VPS13C: variants seen among roughly 807,000 people sequenced by gnomAD.
VPS13C encodes the protein intermembrane lipid transfer protein VPS13C.
Under a neutral mutation model 456.8 loss-of-function variants are expected in VPS13C, and 358 were observed. The observed-to-expected ratio is 0.78, with a 90% CI of 0.72 to 0.86. The LOEUF is 0.86. Among genes scored for constraint, VPS13C ranks in the 40% least tolerant of loss-of-function variants. The pLI, the probability that VPS13C is intolerant of heterozygous loss-of-function variation, is 0.00. For missense variants in VPS13C, 4,818 were observed against 4,385.4 expected, an observed-to-expected ratio of 1.10 and a Z score of -2.79; for synonymous variants, 1,578 against 1,486.7, an observed-to-expected ratio of 1.06 and a Z score of -1.41.
rs1310615074 is a variant in VPS13C at position 62,023,429 on chromosome 15, G to A, written c.606C>T (p.His202=). Residue 202 remains histidine, a synonymous_variant, in exon 8 of 85, where the codon CAC becomes CAT. Coordinates refer to ENST00000644861, the MANE Select transcript of VPS13C (RefSeq NM_020821.3). Reference sequence around the variant, plus strand: ...TACTTACATCATCTTCATATTTAATGTGAATATCTGTGATTTTTACTTGTA... The same window carrying A: ...TACTTACATCATCTTCATATTTAATATGAATATCTGTGATTTTTACTTGTA... ...KNVQVKITDI[H]IKYEDDVTDP... 1.3e-6 allele frequency: 2 copies of A among 1,530,616 alleles called. No homozygotes were observed. Among genetic ancestry groups the A allele is most frequent in the Non-Finnish European group, 1.8e-6 (2 of 1,133,996 alleles). 94.8% of individuals were successfully genotyped at this position (1,530,616 alleles called of 1,614,324 possible). A position where few individuals can be genotyped will look rare whatever the true frequency, so the allele number is the denominator to read the frequency against.
At chr15:61,869,399 T>G in intron 80 of VPS13C, 101 bp downstream of exon 80, 1 of 1,325,766 alleles carries the variant, frequency 7.5e-7, no homozygotes, top group South Asian at 1.6e-5. Context: ...AATTAGACTT[T>G]AAGATCCTTA....
intron 9 of VPS13C, among the ~76,000 whole-genome samples, chr15:62,018,183 G>A (rs1284021860): frequency 6.7e-6 from 1 of 150,086 alleles, no homozygotes; most frequent in South Asian, 2.1e-4. Context: ...AAGGAGATTT[G>A]GGGCTGAGAC....
rs1433211746 is a variant in VPS13C at position 61,900,237 on chromosome 15, A to C, written c.9105+7027T>G. Reference sequence around the variant, plus strand: ...ATGCCCTCTCTCACCACTCCTATTCAACATAGTGTTGGAAGTTCTTGCCAG... The same window carrying C: ...ATGCCCTCTCTCACCACTCCTATTCCACATAGTGTTGGAAGTTCTTGCCAG... On this transcript the variant is annotated intron_variant, in intron 66 of 84. Transcript: ENST00000644861. 7.2e-5 allele frequency among the ~76,000 whole-genome samples: 11 copies of C among 152,324 alleles called. No individual in the cohort carries two copies. The East Asian group carries it at 1.4e-3, about 19-fold the overall frequency.
At chr15:61,863,591 G>T in intron 81 of VPS13C, 63 bp from the exon 82 acceptor site, 1 of 1,006,090 alleles carries the variant, frequency 9.9e-7, no homozygotes, top group Non-Finnish European at 1.5e-6. Flanking sequence ...TTACAATACT[G>T]CATATTAGCT....
rs909115339 is a variant in VPS13C at position 61,984,991 on chromosome 15, G to T, written c.1587C>A (p.Ala529=). 1 of 1,559,370 alleles carries T rather than the reference G, an allele frequency of 6.4e-7. No individual in the cohort carries two copies. Among genetic ancestry groups the T allele is most frequent in the African/African-American group, 1.4e-5 (1 of 72,100 alleles). Reference sequence around the variant, plus strand: ...TTACTAACTTCAGGGTCATAATATGGGCAACATACTATACAGAAAGAATGA... The same window carrying T: ...TTACTAACTTCAGGGTCATAATATGTGCAACATACTATACAGAAAGAATGA... ...HNLTLPKQYV[A]HIMTLKLVST... The change falls in exon 19 of 85, where the codon GCC becomes GCA. Residue 529 remains alanine, a synonymous_variant. Transcript: ENST00000644861.
Position 62,008,718 on chromosome 15 carries a change from AC to A in VPS13C, c.1054del (p.Val352LeufsTer35). ...IDLLESVDYM[V>X]RNAPYRKYKP... ...GTATTTCCTATAAGGCGCATTCCTA[AC>A]CATATAATCCACTGACTCCAAAAGG... On this transcript the variant is annotated frameshift_variant, in exon 14 of 85. Coordinates refer to ENST00000644861, the MANE Select transcript of VPS13C (RefSeq NM_020821.3). LOFTEE classifies it high-confidence loss of function. 1 of 1,607,954 alleles carries A rather than the reference AC, an allele frequency of 6.2e-7. No individual in the cohort carries two copies. The highest frequency in any genetic ancestry group is 2.2e-5 in the East Asian group (1 of 44,592).
chr15:61,854,405 G>C lies in VPS13C; in HGVS notation c.*52C>G. 6.7e-7 allele frequency: 1 copy of C among 1,495,054 alleles called. No homozygotes were observed. The highest frequency in any genetic ancestry group is 9.3e-7 in the Non-Finnish European group (1 of 1,071,490). 92.6% of individuals were successfully genotyped at this position (1,495,054 alleles called of 1,614,324 possible). On this transcript the variant is annotated 3_prime_UTR_variant, in exon 85 of 85. Transcript: ENST00000644861. ...GCAAGATAAAGCAGAGTGACTTATA[G>C]ACAAGACCAGTGATTGTTTTTTCTC...
chr15:62,056,640 C>G (rs566738005), intron 1 of VPS13C, among the ~76,000 whole-genome samples: 1 of 152,132 alleles, frequency 6.6e-6, no homozygotes, highest in African/African-American at 2.4e-5. Context: ...GGCCTGACAT[C>G]AGTCAGGCTT....
At chr15:61,977,230 T>C in intron 23 of VPS13C, 31 bp from the exon 24 acceptor site, 3 of 1,337,688 alleles carry the variant, frequency 2.2e-6, no homozygotes, top group Non-Finnish European at 3.0e-6. Context: ...TATTATTTAT[T>C]ATTTTTACAA....
chr15:61,890,699 A>C (rs573815631), intron 66 of VPS13C, among the ~76,000 whole-genome samples: 1 of 152,320 alleles, frequency 6.6e-6, no homozygotes, highest in East Asian at 1.9e-4. Context: ...CCAATGCAAT[A>C]AGATGATTCT....
chr15:62,046,371 CA>C (rs1258895144), intron 1 of VPS13C, among the ~76,000 whole-genome samples: 1 of 152,066 alleles, frequency 6.6e-6, no homozygotes, highest in African/African-American at 2.4e-5. Context: ...TGTTCAGCAA[CA>C]GGGGGAAAAA....
intron 66 of VPS13C, among the ~76,000 whole-genome samples, chr15:61,894,808 C>T (rs911520925): frequency 6.6e-6 from 1 of 152,166 alleles, no homozygotes; most frequent in Non-Finnish European, 1.5e-5. Flanking sequence ...AACACCCCCA[C>T]TCTCAGTAAT....
chr15:61,958,050 TTA>T (rs943365908), intron 37 of VPS13C, among the ~76,000 whole-genome samples: 23 of 151,210 alleles, frequency 1.5e-4, no homozygotes, highest in Non-Finnish European at 2.1e-4. Context: ...ATACAACATT[TTA>T]TATATATATA....
intron 16 of VPS13C, among the ~76,000 whole-genome samples, chr15:61,994,511 AG>A (rs1460526395): frequency 2.0e-5 from 3 of 152,010 alleles, no homozygotes; most frequent in Non-Finnish European, 4.4e-5. Flanking sequence ...TTCATTGTAG[AG>A]TCACTTACAA....
At chr15:61,951,068 T>G (rs1417942521) in intron 39 of VPS13C, 44 bp from the exon 40 acceptor site, 1 of 1,334,760 alleles carries the variant, frequency 7.5e-7, no homozygotes, top group Non-Finnish European at 1.0e-6. Flanking sequence ...ATTAAACATT[T>G]CACACATTTT....
At chr15:62,014,513 G>T (rs2047159619) in intron 9 of VPS13C, among the ~76,000 whole-genome samples, 2 of 152,066 alleles carry the variant, frequency 1.3e-5, no homozygotes, top group Non-Finnish European at 2.9e-5. Flanking sequence ...GAGCACATAG[G>T]TAAAATGAGA....
intron 1 of VPS13C, among the ~76,000 whole-genome samples, chr15:62,052,775 T>A (rs77082367): frequency 0.039 from 5,998 of 152,174 alleles, 161 homozygotes; most frequent in Middle Eastern, 0.062. Context: ...TAGACTCCTT[T>A]TAATGAGTTC....
intron 82 of VPS13C, among the ~76,000 whole-genome samples, chr15:61,862,993 C>A (rs1054486623): frequency 6.6e-6 from 1 of 152,190 alleles, no homozygotes; most frequent in Middle Eastern, 3.4e-3. Context: ...TCTACCACAA[C>A]CAAATGCTTA....
chr15:61,933,562 T>C (rs2044130852), intron 49 of VPS13C, among the ~76,000 whole-genome samples: 1 of 152,052 alleles, frequency 6.6e-6, no homozygotes, highest in Non-Finnish European at 1.5e-5. Context: ...ATACGGAATA[T>C]GGATATTAAA....
Sources: allele counts gnomAD v4.1 joint callset (sites outside exome capture counted in the v4.1 genomes callset), GRCh38; gene constraint gnomAD v4.1.1; transcripts MANE v1.5; gene names NCBI Gene and HGNC (gene_info 2026-07-23, HGNC 2026-07-21).